CPN1: variants seen among roughly 807,000 people sequenced by gnomAD.
CPN1 encodes the protein carboxypeptidase N catalytic chain.
Under a neutral mutation model 46.4 loss-of-function variants are expected in CPN1, and 37 were observed. That is an observed-to-expected ratio of 0.80 (90% CI 0.61 to 1.05). The LOEUF (loss-of-function observed/expected upper bound fraction) is 1.05. CPN1 is among the 50% of genes least tolerant of loss of function. The pLI is 0.00. For missense variants in CPN1, 563 were observed against 602.6 expected, an observed-to-expected ratio of 0.93 and a Z score of 0.69; for synonymous variants, 224 against 235.4, an observed-to-expected ratio of 0.95 and a Z score of 0.44.
intron 1 of CPN1, among the ~76,000 whole-genome samples, chr10:100,079,245 A>G (rs750881669): frequency 5.3e-5 from 8 of 152,226 alleles, no homozygotes; most frequent in Non-Finnish European, 1.0e-4. Flanking sequence ...TTACCCCACT[A>G]GAATTCGGGC....
intron 1 of CPN1, among the ~76,000 whole-genome samples, chr10:100,078,521 G>A (rs986198250): frequency 3.9e-5 from 6 of 152,206 alleles, no homozygotes; most frequent in Non-Finnish European, 8.8e-5. Context: ...TCCAGAGTCA[G>A]GGGTTGGCAA....
chr10:100,077,800 A>G (rs1308349272), intron 1 of CPN1, among the ~76,000 whole-genome samples: 1 of 152,024 alleles, frequency 6.6e-6, no homozygotes, highest in Non-Finnish European at 1.5e-5. Flanking sequence ...TTAGAAAAGG[A>G]TGGATATAGT....
intron 1 of CPN1, among the ~76,000 whole-genome samples, chr10:100,080,981 C>T (rs58213680): frequency 0.028 from 4,279 of 152,254 alleles, 208 homozygotes; most frequent in African/African-American, 0.097. Flanking sequence ...TGTCACTCCC[C>T]GAAGAGATTC....
chr10:100,064,904 C>T (rs17722574), intron 4 of CPN1, among the ~76,000 whole-genome samples: 10,512 of 152,084 alleles, frequency 0.069, 423 homozygotes, highest in African/African-American at 0.085. Flanking sequence ...TAATGACACT[C>T]GTGCTATTAG....
At chr10:100,074,485 G>C (rs572700796) in intron 2 of CPN1, among the ~76,000 whole-genome samples, 74 of 152,064 alleles carry the variant, frequency 4.9e-4, no homozygotes, top group Non-Finnish European at 1.0e-3. Flanking sequence ...GCACGATCTC[G>C]GCTCACCACA....
intron 3 of CPN1, 91 bp from the exon 4 acceptor site, chr10:100,065,461 G>A (rs2041449788): frequency 1.4e-6 from 2 of 1,393,490 alleles, no homozygotes; most frequent in East Asian, 2.4e-5. Flanking sequence ...AGTGGCCTGA[G>A]GAGATAAAAT....
intron 5 of CPN1, among the ~76,000 whole-genome samples, chr10:100,058,774 A>G (rs2041399993): frequency 6.6e-6 from 1 of 152,202 alleles, no homozygotes; most frequent in African/African-American, 2.4e-5. Context: ...AGAGACTCAC[A>G]ATTTCTGATT....
chr10:100,046,324 G>A (rs2041311699), intron 8 of CPN1, among the ~76,000 whole-genome samples: 3 of 152,354 alleles, frequency 2.0e-5, no homozygotes, highest in East Asian at 1.9e-4. Context: ...CAGTCTAGGC[G>A]GAGGGAGCAC....
intron 7 of CPN1, among the ~76,000 whole-genome samples, chr10:100,050,696 C>T (rs1731492111): frequency 6.6e-6 from 1 of 152,192 alleles, no homozygotes; most frequent in African/African-American, 2.4e-5. Flanking sequence ...GCTATCATAG[C>T]TCACTGCAAC....
chr10:100,071,817 A>G (rs896638874), intron 2 of CPN1, among the ~76,000 whole-genome samples: 2 of 152,230 alleles, frequency 1.3e-5, no homozygotes, highest in African/African-American at 4.8e-5. Context: ...GAGGATGTGC[A>G]TAAGTTATGT....
At chr10:100,067,309 T>G (rs993331915) in intron 3 of CPN1, among the ~76,000 whole-genome samples, 2 of 152,078 alleles carry the variant, frequency 1.3e-5, no homozygotes, top group Non-Finnish European at 2.9e-5. Flanking sequence ...TAGGATGGGG[T>G]TTCACCATGT....
chr10:100,076,174 CT>C, intron 1 of CPN1, 67 bp from the exon 2 acceptor site: 1 of 1,456,384 alleles, frequency 6.9e-7, no homozygotes, highest in Non-Finnish European at 9.6e-7. Flanking sequence ...GCAGAAGGAC[CT>C]TTTTTCTCTT....
At chr10:100,043,637 T>G (rs2041291557) in intron 8 of CPN1, among the ~76,000 whole-genome samples, 1 of 151,892 alleles carries the variant, frequency 6.6e-6, no homozygotes, top group African/African-American at 2.4e-5. Context: ...TAAAGAGTGT[T>G]GGTATGGACT....
At chr10:100,077,393 G>T (rs1335345728) in intron 1 of CPN1, among the ~76,000 whole-genome samples, 1 of 151,892 alleles carries the variant, frequency 6.6e-6, no homozygotes, top group Non-Finnish European at 1.5e-5. Context: ...ACCACACTTG[G>T]CTGATTTTTA....
chr10:100,051,093 C>G (rs2041350156), intron 7 of CPN1, among the ~76,000 whole-genome samples: 1 of 152,116 alleles, frequency 6.6e-6, no homozygotes, highest in Non-Finnish European at 1.5e-5. Flanking sequence ...TCAAAAGAAG[C>G]CTGTTTTTCT....
In CPN1 at chr10:100,081,484, C is replaced by G. The variant is rs1388706857; in HGVS notation, c.142G>C (p.Val48Leu). Reference protein sequence around the residue: ...VQNECPGITRVYSIGRSVEGR... With the variant: ...VQNECPGITRLYSIGRSVEGR... ...TCCACGCTGCGCCCAATGCTGTAGA[C>G]CCGCGTGATGCCGGGGCATTCGTTT... The change falls in exon 1 of 9, where the codon GTC becomes CTC. Residue 48 changes from valine (V) to leucine (L), a missense_variant. Transcript: ENST00000370418. The G allele has an allele frequency of 6.2e-7, 1 of 1,614,146 alleles. No homozygotes were observed.
chr10:100,062,043 C>T (rs1222718259), intron 5 of CPN1, among the ~76,000 whole-genome samples: 1 of 152,056 alleles, frequency 6.6e-6, no homozygotes, highest in Admixed American at 6.6e-5. Context: ...CCCCAGTCTA[C>T]CCTCCCAGTA....
Position 100,059,679 on chromosome 10 carries a change from G to A in CPN1, c.872-2527C>T, listed in dbSNP as rs564946889. 2.5e-3 allele frequency among the ~76,000 whole-genome samples: 382 copies of A among 151,294 alleles called. 2 individuals carry two copies. The highest frequency in any genetic ancestry group is 8.7e-3 in the African/African-American group (358 of 41,188). On this transcript the variant is annotated intron_variant, in intron 5 of 8. Coordinates refer to ENST00000370418, the MANE Select transcript of CPN1 (RefSeq NM_001308.3). ...GGTGTTTTCTATGGAAAACAGTATG[G>A]TAGTTCCTCAAAAAAATTAAAAATA...
chr10:100,060,560 A>G (rs900372889), intron 5 of CPN1, among the ~76,000 whole-genome samples: 6 of 152,136 alleles, frequency 3.9e-5, no homozygotes, highest in Non-Finnish European at 8.8e-5. Context: ...ACTCCAACTC[A>G]AAATAAATAA....
Sources: gnomAD v4.1 joint callset for allele counts (sites outside exome capture counted in the v4.1 genomes callset) on GRCh38, gnomAD v4.1.1 for gene constraint, MANE v1.5 for transcripts, NCBI Gene and HGNC (gene_info 2026-07-23, HGNC 2026-07-21) for gene names.